GALNT10: variants seen among roughly 807,000 people sequenced by gnomAD.
GALNT10 encodes the protein GalNAc transferase 10.
Under a neutral mutation model 75.0 loss-of-function variants are expected in GALNT10, and 41 were observed. The observed-to-expected ratio is 0.55, with a 90% CI of 0.43 to 0.71. GALNT10 has a LOEUF of 0.71. Ranked by LOEUF, GALNT10 falls within the 30% of genes least tolerant of loss-of-function variation. The pLI is 0.00. For missense variants in GALNT10, 727 were observed against 818.5 expected (o/e 0.89, Z 1.36); for synonymous variants, 302 against 313.0 (o/e 0.96, Z 0.37).
intron 2 of GALNT10, among the ~76,000 whole-genome samples, chr5:154,296,541 G>A (rs756144901): frequency 3.9e-5 from 6 of 152,178 alleles, no homozygotes; most frequent in East Asian, 1.9e-4. Flanking sequence ...TCTGTCGAAC[G>A]CTAACTATGT....
chr5:154,281,768 G>C (rs1754041273), intron 1 of GALNT10, among the ~76,000 whole-genome samples: 1 of 152,214 alleles, frequency 6.6e-6, no homozygotes, highest in Non-Finnish European at 1.5e-5. Context: ...AAGGTTTGAA[G>C]TCCAGGACTA....
chr5:154,255,044 C>T (rs1236237254), intron 1 of GALNT10, among the ~76,000 whole-genome samples: 1 of 152,094 alleles, frequency 6.6e-6, no homozygotes, highest in Non-Finnish European at 1.5e-5. Flanking sequence ...TTGGTCAACT[C>T]CTGGGCTCAA....
chr5:154,291,627 C>A (rs887231630), intron 1 of GALNT10, among the ~76,000 whole-genome samples: 4 of 152,174 alleles, frequency 2.6e-5, no homozygotes, highest in African/African-American at 9.7e-5. Flanking sequence ...TTTGGAATTT[C>A]TTCTCTGTCT....
intron 4 of GALNT10, among the ~76,000 whole-genome samples, chr5:154,341,183 G>C (rs1331364727): frequency 6.6e-6 from 1 of 152,174 alleles, no homozygotes; most frequent in Non-Finnish European, 1.5e-5. Flanking sequence ...CACAGATGCA[G>C]GCTGCCTTTT....
At chr5:154,392,618 C>G (rs1366573156) in intron 7 of GALNT10, 4 of 152,240 alleles carry the variant, frequency 2.6e-5, no homozygotes, top group Non-Finnish European at 5.9e-5. Flanking sequence ...CTGACATACA[C>G]AGATATGAGG....
At chr5:154,379,108 G>C (rs1420166757) in intron 5 of GALNT10, among the ~76,000 whole-genome samples, 1 of 152,134 alleles carries the variant, frequency 6.6e-6, no homozygotes, top group East Asian at 1.9e-4. Context: ...CCACATGTGG[G>C]GGTATACTGC....
intron 4 of GALNT10, among the ~76,000 whole-genome samples, chr5:154,330,908 G>GGGGTGTGTGTGTGTGT (rs769311099): frequency 0.011 from 1,411 of 126,026 alleles, 12 homozygotes; most frequent in Non-Finnish European, 0.017. Flanking sequence ...AGACAGAGAG[G>GGGGTGTGTGTGTGTGT]GTGTGTGTGT....
chr5:154,404,595 T>C (rs1561684752), intron 8 of GALNT10, among the ~76,000 whole-genome samples: 1 of 152,220 alleles, frequency 6.6e-6, no homozygotes, highest in Non-Finnish European at 1.5e-5. Flanking sequence ...TAATGTGGAT[T>C]CTAAATTAAT....
intron 1 of GALNT10, among the ~76,000 whole-genome samples, chr5:154,231,771 A>C (rs1006004021): frequency 1.2e-4 from 18 of 152,178 alleles, no homozygotes; most frequent in Non-Finnish European, 2.4e-4. Flanking sequence ...CATGAGCTTA[A>C]TTGCTGGCAC....
At chr5:154,264,100 G>A (rs182954568) in intron 1 of GALNT10, among the ~76,000 whole-genome samples, 1 of 152,072 alleles carries the variant, frequency 6.6e-6, no homozygotes, top group Non-Finnish European at 1.5e-5. Flanking sequence ...ATCACTTGAG[G>A]CCAGGAGTTG....
intron 1 of GALNT10, among the ~76,000 whole-genome samples, chr5:154,216,436 AT>A (rs1017656739): frequency 6.6e-6 from 1 of 151,982 alleles, no homozygotes; most frequent in African/African-American, 2.4e-5. Flanking sequence ...AATTAAAAAG[AT>A]TTTTTTTAGC....
At chr5:154,194,174 A>G (rs1774900882) in intron 1 of GALNT10, among the ~76,000 whole-genome samples, 1 of 152,252 alleles carries the variant, frequency 6.6e-6, no homozygotes, top group South Asian at 2.1e-4. Context: ...CTGGATAAAT[A>G]GCATATGTGG....
chr5:154,262,470 C>T (rs1753713464), intron 1 of GALNT10, among the ~76,000 whole-genome samples: 2 of 152,270 alleles, frequency 1.3e-5, no homozygotes, highest in East Asian at 1.9e-4. Context: ...AGTTCAGTGA[C>T]CCCAATTAAC....
intron 3 of GALNT10, 92 bp from the exon 4 acceptor site, chr5:154,329,479 TG>T: frequency 1.1e-6 from 1 of 931,828 alleles, no homozygotes; most frequent in Non-Finnish European, 1.7e-6. Context: ...GGAGAGGAAG[TG>T]GGGTTTGCAG....
At chr5:154,213,612 T>C (rs1000255837) in intron 1 of GALNT10, among the ~76,000 whole-genome samples, 2 of 152,122 alleles carry the variant, frequency 1.3e-5, no homozygotes, top group Admixed American at 6.5e-5. Context: ...TATTTTTTTT[T>C]CCCTTACTGT....
At chr5:154,322,638 G>A (rs1401144545) in intron 3 of GALNT10, among the ~76,000 whole-genome samples, 1 of 152,198 alleles carries the variant, frequency 6.6e-6, no homozygotes, top group Non-Finnish European at 1.5e-5. Context: ...CAGGTGGGCA[G>A]TTGTTCTTTC....
intron 1 of GALNT10, among the ~76,000 whole-genome samples, chr5:154,265,343 A>T (rs1467537559): frequency 1.3e-5 from 2 of 152,162 alleles, no homozygotes; most frequent in Non-Finnish European, 2.9e-5. Flanking sequence ...GGACCTCAGA[A>T]TGTCTTCAAT....
chr5:154,213,579 G>A (rs1752815381), intron 1 of GALNT10, among the ~76,000 whole-genome samples: 1 of 152,158 alleles, frequency 6.6e-6, no homozygotes, highest in African/African-American at 2.4e-5. Context: ...AGTCATTCAG[G>A]ATACAAGTCT....
At chr5:154,250,577 C>A (rs1277071430) in intron 1 of GALNT10, among the ~76,000 whole-genome samples, 1 of 152,136 alleles carries the variant, frequency 6.6e-6, no homozygotes, top group Non-Finnish European at 1.5e-5. Flanking sequence ...ATGGCTGGTG[C>A]AGTTCCAGAC....
Sources: allele counts gnomAD v4.1 joint callset (sites outside exome capture counted in the v4.1 genomes callset), GRCh38; gene constraint gnomAD v4.1.1; transcripts MANE v1.5; gene names NCBI Gene and HGNC (gene_info 2026-07-23, HGNC 2026-07-21).